The following LDB2 variants were observed in gnomAD, a reference collection of about 807,000 sequenced individuals.
LDB2 encodes LIM domain-binding protein 2.
A neutral mutation model predicts 44.3 loss-of-function variants in LDB2; 12 were observed. That is an observed-to-expected ratio of 0.27 (90% confidence interval 0.17 to 0.44). The LOEUF is 0.44. Among genes scored for constraint, LDB2 ranks in the 20% least tolerant of loss-of-function variants. The pLI is 1.00. For missense variants in LDB2, 344 were observed against 473.5 expected (o/e 0.73, Z 2.54); for synonymous variants, 164 against 174.8 (o/e 0.94, Z 0.49).
intron 1 of LDB2, among the ~76,000 whole-genome samples, chr4:16,809,476 C>G (rs1579864888): frequency 6.6e-6 from 1 of 152,160 alleles, no homozygotes. Flanking sequence ...TGGGCAGATG[C>G]AGGCACAATT....
At chr4:16,780,310 C>G (rs1213885073) in intron 1 of LDB2, among the ~76,000 whole-genome samples, 1 of 152,126 alleles carries the variant, frequency 6.6e-6, no homozygotes, top group Admixed American at 6.5e-5. Context: ...GCAACCTCCG[C>G]CTCCCAGGTT....
intron 2 of LDB2, among the ~76,000 whole-genome samples, chr4:16,636,432 C>CAATGAT (rs1733625166): frequency 6.6e-6 from 1 of 152,186 alleles, no homozygotes; most frequent in Non-Finnish European, 1.5e-5. Flanking sequence ...GCAGTAGGCC[C>CAATGAT]ACGGTATCAT....
intron 2 of LDB2, among the ~76,000 whole-genome samples, chr4:16,695,577 T>C (rs914154454): frequency 6.6e-6 from 1 of 152,156 alleles, no homozygotes; most frequent in African/African-American, 2.4e-5. Context: ...CACCATCTAA[T>C]CAGAACGGAT....
intron 2 of LDB2, among the ~76,000 whole-genome samples, chr4:16,687,350 C>T (rs951715996): frequency 5.3e-5 from 8 of 152,166 alleles, no homozygotes; most frequent in Admixed American, 4.6e-4. Context: ...CTCTCTCTCT[C>T]GCTCTCTACT....
chr4:16,696,906 T>C (rs1356405035), intron 2 of LDB2, among the ~76,000 whole-genome samples: 1 of 152,066 alleles, frequency 6.6e-6, no homozygotes, highest in Non-Finnish European at 1.5e-5. Context: ...CCGGAAGATA[T>C]ATATTTTGGG....
intron 2 of LDB2, among the ~76,000 whole-genome samples, chr4:16,609,502 G>A (rs572803905): frequency 6.6e-6 from 1 of 152,308 alleles, no homozygotes; most frequent in East Asian, 1.9e-4. Context: ...TCCAGGCTGT[G>A]CTTTTCCCCT....
At chr4:16,833,476 C>A (rs1057279497) in intron 1 of LDB2, among the ~76,000 whole-genome samples, 6 of 151,630 alleles carry the variant, frequency 4.0e-5, no homozygotes, top group South Asian at 4.2e-4. Context: ...TCTTTTCTTG[C>A]GGTATCTCCT....
chr4:16,607,705 T>C (rs1489956194), intron 2 of LDB2, among the ~76,000 whole-genome samples: 3 of 152,224 alleles, frequency 2.0e-5, no homozygotes, highest in Non-Finnish European at 4.4e-5. Flanking sequence ...ATTGTAATCA[T>C]CAATTTTATT....
intron 2 of LDB2, among the ~76,000 whole-genome samples, chr4:16,674,833 C>T (rs1026398087): frequency 6.6e-6 from 1 of 151,918 alleles, no homozygotes; most frequent in Non-Finnish European, 1.5e-5. Flanking sequence ...ACACACACAT[C>T]CCTCTCTTCT....
intron 2 of LDB2, among the ~76,000 whole-genome samples, chr4:16,609,777 T>C (rs1316293383): frequency 6.6e-6 from 1 of 152,162 alleles, no homozygotes; most frequent in Non-Finnish European, 1.5e-5. Context: ...CCTCTCCTCC[T>C]AGTAGTTCTG....
chr4:16,634,017 A>T (rs1732817583), intron 2 of LDB2, among the ~76,000 whole-genome samples: 1 of 152,310 alleles, frequency 6.6e-6, no homozygotes, highest in African/African-American at 2.4e-5. Context: ...TGGGGAAAAC[A>T]TGCTCTATTT....
chr4:16,886,601 T>C (rs16894159), intron 1 of LDB2, among the ~76,000 whole-genome samples: 48,548 of 152,010 alleles, frequency 0.32, 7,955 homozygotes, highest in Admixed American at 0.37. Context: ...TGTACTGTTT[T>C]TAAAACCAAA....
chr4:16,593,924 A>G (rs1719979587), intron 3 of LDB2, among the ~76,000 whole-genome samples: 1 of 152,198 alleles, frequency 6.6e-6, no homozygotes, highest in Non-Finnish European at 1.5e-5. Flanking sequence ...TTCAGCACTA[A>G]ACTTTCAGAG....
Position 16,595,739 on chromosome 4 carries a change from G to A in LDB2, c.372C>T (p.Thr124=), listed in dbSNP as rs764104298. The part of the protein sequence containing the change: ...SSITVDCDQC[T]MVTQHGKPMF... Reference sequence around the variant, plus strand: ...TGGGCTTCCCGTGCTGGGTGACCATGGTACACTGGTCGCAGTCCACCGTGA... The same window carrying A: ...TGGGCTTCCCGTGCTGGGTGACCATAGTACACTGGTCGCAGTCCACCGTGA... The change falls in exon 3 of 8, where the codon ACC becomes ACT. Residue 124 remains threonine (T), a synonymous_variant. Transcript: ENST00000304523. 6.2e-6 allele frequency: 10 copies of A among 1,613,592 alleles called. No individual in the cohort carries two copies. The highest frequency in any genetic ancestry group is 4.4e-5 in the South Asian group (4 of 91,034).
chr4:16,844,440 A>G (rs1331680436), intron 1 of LDB2, among the ~76,000 whole-genome samples: 4 of 152,044 alleles, frequency 2.6e-5, no homozygotes, highest in Non-Finnish European at 5.9e-5. Context: ...TGGAAAAGGA[A>G]CTTCTAAACT....
At chr4:16,845,088 A>G (rs1786691808) in intron 1 of LDB2, among the ~76,000 whole-genome samples, 1 of 152,190 alleles carries the variant, frequency 6.6e-6, no homozygotes, top group Admixed American at 6.5e-5. Context: ...GTCCCAGATT[A>G]GAGATGTGGG....
intron 5 of LDB2, among the ~76,000 whole-genome samples, chr4:16,531,730 T>G (rs1730216670): frequency 6.6e-6 from 1 of 152,190 alleles, no homozygotes; most frequent in South Asian, 2.1e-4. Flanking sequence ...CATGCTTGAG[T>G]GCTGGCATGG....
chr4:16,607,256 C>T (rs1053319323), intron 2 of LDB2, among the ~76,000 whole-genome samples: 15 of 152,220 alleles, frequency 9.9e-5, no homozygotes, highest in Admixed American at 2.0e-4. Flanking sequence ...CATGCACTTG[C>T]ATTCTTTGAA....
rs114732144 is a variant in LDB2 at position 16,570,782 on chromosome 4, C to T, written c.615+15140G>A. Among the ~76,000 whole-genome samples, 856 of 152,034 alleles carry T rather than the reference C, an allele frequency of 5.6e-3. 9 individuals carry two copies. Among genetic ancestry groups the T allele is most frequent in the African/African-American group, 0.02 (812 of 41,486 alleles). On this transcript the variant is annotated intron_variant, in intron 5 of 7. Coordinates refer to ENST00000304523, the MANE Select transcript of LDB2 (RefSeq NM_001290.5). ...CCAGGCAGTGGGATGATGATGATGACGATGATAATCATAAAATAGCAAATA... is the reference window on the plus strand; with the variant it reads ...CCAGGCAGTGGGATGATGATGATGATGATGATAATCATAAAATAGCAAATA...
Sources: gnomAD v4.1 joint callset for allele counts (sites outside exome capture counted in the v4.1 genomes callset) on GRCh38, gnomAD v4.1.1 for gene constraint, MANE v1.5 for transcripts, NCBI Gene and HGNC (gene_info 2026-07-23, HGNC 2026-07-21) for gene names.